Variants in EYS observed in about 807,000 individuals in gnomAD.
EYS encodes the protein EGF-like photoreceptor maintenance factor, also known as protein eyes shut homolog.
In EYS, 250 loss-of-function variants were observed where a neutral mutation model predicts 282.1. The observed-to-expected ratio is 0.89, with a 90% confidence interval of 0.80 to 0.98. EYS has a LOEUF of 0.98. EYS is among the 50% of genes least tolerant of loss of function. EYS has a pLI of 0.00. For missense variants in EYS, 4,016 were observed against 3,709.0 expected (o/e 1.08, Z -2.15); for synonymous variants, 1,355 against 1,282.9 (o/e 1.06, Z -1.20).
chr6:65,691,639 C>A (rs12199308), intron 1 of EYS, among the ~76,000 whole-genome samples: 56,582 of 149,708 alleles, frequency 0.38, 14,417 homozygotes, highest in Non-Finnish European at 0.52. Flanking sequence ...TTAGTGTTTT[C>A]GTCATGAAGT....
intron 2 of EYS, among the ~76,000 whole-genome samples, chr6:65,498,307 A>C (rs1766326347): frequency 6.6e-6 from 1 of 152,066 alleles, no homozygotes; most frequent in Non-Finnish European, 1.5e-5. Flanking sequence ...GTACCTGTAA[A>C]TCACAAATTT....
intron 22 of EYS, among the ~76,000 whole-genome samples, chr6:64,719,143 G>A (rs1562153125): frequency 6.6e-6 from 1 of 152,106 alleles, no homozygotes; most frequent in East Asian, 1.9e-4. Context: ...TTACGGACAG[G>A]CTCCAGGATA....
intron 19 of EYS, among the ~76,000 whole-genome samples, chr6:64,870,416 C>T (rs545003496): frequency 7.1e-6 from 1 of 141,148 alleles, no homozygotes; most frequent in South Asian, 2.3e-4. Flanking sequence ...TTACCCCCCT[C>T]CTCCCCCCTC....
At position 64,581,940 on chromosome 6, in the gene EYS, G is replaced by A. The variant is rs576320854; in HGVS notation, c.5644+8283C>T. Among the ~76,000 whole-genome samples the A allele has an allele frequency of 3.9e-4, 60 of 152,280 alleles. 1 individual carries two copies. The highest frequency in any genetic ancestry group is 7.2e-4 in the Admixed American group (11 of 15,282). On this transcript the variant is annotated intron_variant, in intron 26 of 42. Coordinates refer to ENST00000503581, the MANE Select transcript of EYS (RefSeq NM_001142800.2). ...ATAGGATTAAGTAGGTCTGAAATCTGAACTTTTCTGAGTCCATTTATGGCT... is the reference window on the plus strand; with the variant it reads ...ATAGGATTAAGTAGGTCTGAAATCTAAACTTTTCTGAGTCCATTTATGGCT...
intron 2 of EYS, among the ~76,000 whole-genome samples, chr6:65,557,374 G>GTGGGGCAGGCAGCTCCAGGCGC (rs1768857377): frequency 6.6e-6 from 1 of 152,220 alleles, no homozygotes; most frequent in Non-Finnish European, 1.5e-5. Context: ...TGCTACTGCA[G>GTGGGGCAGGCAGCTCCAGGCGC]TGGGGCAGGC....
intron 36 of EYS, among the ~76,000 whole-genome samples, chr6:63,835,941 T>C (rs1374250186): frequency 6.6e-6 from 1 of 152,078 alleles, no homozygotes; most frequent in African/African-American, 2.4e-5. Context: ...TCTATAAATA[T>C]AACAAATTTT....
intron 35 of EYS, among the ~76,000 whole-genome samples, chr6:63,979,876 G>A (rs544686753): frequency 9.9e-5 from 15 of 152,008 alleles, no homozygotes; most frequent in Middle Eastern, 3.4e-3. Context: ...CCAGAAACGT[G>A]TGATGGTACT....
At chr6:64,588,210 A>G (rs1418252075) in intron 26 of EYS, among the ~76,000 whole-genome samples, 1 of 152,122 alleles carries the variant, frequency 6.6e-6, no homozygotes, top group Admixed American at 6.6e-5. Context: ...GCCTAGAAGA[A>G]TTAAGAGCCT....
chr6:65,675,734 C>A (rs77154956), intron 1 of EYS, among the ~76,000 whole-genome samples: 41 of 151,978 alleles, frequency 2.7e-4, no homozygotes, highest in African/African-American at 8.9e-4. Flanking sequence ...TTGAACAACA[C>A]TATAGTCTGA....
At chr6:65,155,139 A>G (rs1581962989) in intron 12 of EYS, among the ~76,000 whole-genome samples, 1 of 151,604 alleles carries the variant, frequency 6.6e-6, no homozygotes, top group African/African-American at 2.4e-5. Flanking sequence ...ACAGAAGGGT[A>G]GCATGCCTTT....
At chr6:63,898,244 G>A (rs140908877) in intron 35 of EYS, among the ~76,000 whole-genome samples, 14 of 152,114 alleles carry the variant, frequency 9.2e-5, no homozygotes, top group African/African-American at 1.9e-4. Flanking sequence ...ATCCCAGCAC[G>A]TTGGGAGGCT....
chr6:64,093,849 G>A (rs1427272250), intron 31 of EYS, among the ~76,000 whole-genome samples: 5 of 152,126 alleles, frequency 3.3e-5, no homozygotes. Context: ...CAAAGGGAAT[G>A]CTTCCAGTTT....
intron 31 of EYS, among the ~76,000 whole-genome samples, chr6:64,125,250 C>T (rs2150277100): frequency 6.6e-6 from 1 of 151,960 alleles, no homozygotes; most frequent in South Asian, 2.1e-4. Flanking sequence ...ATAAGGCAGG[C>T]CTTTCAAGTG....
intron 12 of EYS, among the ~76,000 whole-genome samples, chr6:65,069,174 T>A (rs539334848): frequency 2.6e-5 from 4 of 152,138 alleles, no homozygotes; most frequent in South Asian, 2.1e-4. Context: ...ATCTCCTTCC[T>A]CATCTCTTGC....
At chr6:64,933,834 G>T (rs1768811778) in intron 15 of EYS, among the ~76,000 whole-genome samples, 1 of 152,048 alleles carries the variant, frequency 6.6e-6, no homozygotes, top group Admixed American at 6.6e-5. Context: ...CCTTTGCAGA[G>T]ACATGGATGA....
At chr6:65,646,600 C>G (rs771452245) in intron 1 of EYS, among the ~76,000 whole-genome samples, 2 of 152,174 alleles carry the variant, frequency 1.3e-5, no homozygotes, top group African/African-American at 4.8e-5. Flanking sequence ...TGCATTCCTT[C>G]TGAGAACCAG....
In EYS at chr6:65,618,333, C is replaced by T. The variant is rs535844562; in HGVS notation, c.-333+21445G>A. Among the ~76,000 whole-genome samples the T allele has an allele frequency of 3.6e-3, 546 of 152,266 alleles. 1 individual carries two copies. Among genetic ancestry groups the T allele is most frequent in the Middle Eastern group, 0.017 (5 of 294 alleles). On this transcript the variant is annotated intron_variant, in intron 2 of 42. Coordinates refer to ENST00000503581, the MANE Select transcript of EYS (RefSeq NM_001142800.2). Reference sequence around the variant, plus strand: ...GGTGAGCATTTTTTCATGTGTTTTTCGGCTGCATGAATGTCTTCTTTTGAG... The same window carrying T: ...GGTGAGCATTTTTTCATGTGTTTTTTGGCTGCATGAATGTCTTCTTTTGAG...
chr6:64,913,463 G>A (rs1464813993), intron 15 of EYS, among the ~76,000 whole-genome samples: 1 of 151,858 alleles, frequency 6.6e-6, no homozygotes, highest in African/African-American at 2.4e-5. Context: ...TTATGTCCAT[G>A]TATACCCATT....
chr6:63,862,692 A>C (rs1281276248), intron 36 of EYS, among the ~76,000 whole-genome samples: 1 of 152,186 alleles, frequency 6.6e-6, no homozygotes, highest in African/African-American at 2.4e-5. Flanking sequence ...TATTTTTTCA[A>C]TAGCTTTTAT....
Sources: allele counts gnomAD v4.1 joint callset (sites outside exome capture counted in the v4.1 genomes callset), GRCh38; gene constraint gnomAD v4.1.1; transcripts MANE v1.5; gene names NCBI Gene and HGNC (gene_info 2026-07-23, HGNC 2026-07-21).